WWOX: variants seen among roughly 807,000 people sequenced by gnomAD.
The protein encoded by WWOX is WW domain containing oxidoreductase.
WWOX carries 69 observed loss-of-function variants against 46.2 expected under a neutral mutation model. That is an observed-to-expected ratio of 1.49 (90% CI 1.23 to 1.82). The LOEUF (loss-of-function observed/expected upper bound fraction) is 1.82, where lower values mean the gene tolerates loss of function less well. Among genes scored for constraint, WWOX ranks in the 40% most tolerant of loss-of-function variants. The pLI is 0.00. For missense variants in WWOX, 919 were observed against 542.6 expected, an observed-to-expected ratio of 1.69 and a Z score of -6.89; for synonymous variants, 359 against 202.6, an observed-to-expected ratio of 1.77 and a Z score of -6.56.
intron 5 of WWOX, among the ~76,000 whole-genome samples, chr16:78,367,263 G>A (rs1445008968): frequency 1.3e-5 from 2 of 152,120 alleles, no homozygotes; most frequent in Admixed American, 1.3e-4. Context: ...ACAGGCGTGA[G>A]CCACCGCACC....
At chr16:78,713,042 G>C (rs531157935) in intron 8 of WWOX, among the ~76,000 whole-genome samples, 2 of 152,106 alleles carry the variant, frequency 1.3e-5, no homozygotes, top group Non-Finnish European at 2.9e-5. Context: ...GGCTGAGGGA[G>C]GAGAACTGCT....
At chr16:78,281,513 G>C (rs1433252057) in intron 5 of WWOX, among the ~76,000 whole-genome samples, 1 of 152,190 alleles carries the variant, frequency 6.6e-6, no homozygotes, top group Non-Finnish European at 1.5e-5. Flanking sequence ...TTTTGTGCAA[G>C]AGTCAGCAAA....
intron 5 of WWOX, chr16:78,166,967 A>C (rs2034995853): frequency 1.3e-5 from 2 of 152,234 alleles, no homozygotes; most frequent in Non-Finnish European, 2.9e-5. Flanking sequence ...GGGCGTGTCA[A>C]AATTGTAAAA....
At chr16:79,171,415 C>A (rs1157903206) in intron 8 of WWOX, among the ~76,000 whole-genome samples, 1 of 152,208 alleles carries the variant, frequency 6.6e-6, no homozygotes, top group African/African-American at 2.4e-5. Context: ...TTAGCTCTCT[C>A]CATTTTTAAT....
At chr16:78,404,720 A>G (rs185964904) in intron 6 of WWOX, among the ~76,000 whole-genome samples, 2 of 152,304 alleles carry the variant, frequency 1.3e-5, no homozygotes, top group East Asian at 3.9e-4. Flanking sequence ...TGAGGCTAGT[A>G]GGTCATGAGT....
rs558601527 is a variant in WWOX at position 78,349,761 on chromosome 16, A to G, written c.517-37099A>G. 2.2e-4 allele frequency among the ~76,000 whole-genome samples: 27 copies of G among 121,388 alleles called. 6 individuals are homozygous for G. The highest frequency in any genetic ancestry group is 1.4e-3 in the Admixed American group (17 of 12,486). 79.6% of individuals were successfully genotyped at this position (121,388 alleles called of 152,430 possible). ...TGCAGGTGTCACCGATGAAACAGCA[A>G]TGCCTTGCGGTGACAAATTCAGTGT... is the stretch of plus-strand genomic sequence containing the variant. On this transcript the variant is annotated intron_variant, in intron 5 of 8. Coordinates refer to ENST00000566780, the MANE Select transcript of WWOX (RefSeq NM_016373.4).
intron 4 of WWOX, among the ~76,000 whole-genome samples, chr16:78,148,393 G>T (rs140271747): frequency 6.6e-6 from 1 of 152,262 alleles, no homozygotes; most frequent in African/African-American, 2.4e-5. Context: ...CACGTGTAGG[G>T]GGTGGAATTA....
intron 8 of WWOX, among the ~76,000 whole-genome samples, chr16:78,886,007 C>G (rs537111145): frequency 6.4e-4 from 97 of 150,666 alleles, no homozygotes; most frequent in African/African-American, 2.1e-3. Context: ...TTGCTGCAAC[C>G]TCTGCCTCCC....
intron 5 of WWOX, among the ~76,000 whole-genome samples, chr16:78,273,625 A>C (rs528118998): frequency 6.6e-6 from 1 of 152,210 alleles, no homozygotes; most frequent in Non-Finnish European, 1.5e-5. Flanking sequence ...CTAGTCACCC[A>C]GGCACGAAAT....
intron 5 of WWOX, among the ~76,000 whole-genome samples, chr16:78,275,525 G>C (rs1273241814): frequency 6.6e-6 from 1 of 152,234 alleles, no homozygotes; most frequent in Non-Finnish European, 1.5e-5. Flanking sequence ...CATCTCAAAG[G>C]ATGAGTGATT....
chr16:78,802,129 C>T (rs1457077151), intron 8 of WWOX, among the ~76,000 whole-genome samples: 1 of 150,960 alleles, frequency 6.6e-6, no homozygotes, highest in African/African-American at 2.4e-5. Context: ...ACTCTTAGAT[C>T]AGACGTGCTT....
rs912894004 is a variant in WWOX at position 78,264,002 on chromosome 16, TTTTTTTTTTTTTTG to T, written c.516+99721_516+99734del. On this transcript the variant is annotated intron_variant, in intron 5 of 8. Transcript: ENST00000566780. ...ATGTGTTTGGCTGTGAAATCTTTTTTTTTTTTTTTTTTTGTTTTTTTGCTGTGGAGCGCAAAATG... is the reference window on the plus strand; with the variant it reads ...ATGTGTTTGGCTGTGAAATCTTTTTTTTTTTTTGCTGTGGAGCGCAAAATG... Among the ~76,000 whole-genome samples, 28 of 138,102 alleles carry T rather than the reference TTTTTTTTTTTTTTG, an allele frequency of 2.0e-4. No individual in the cohort carries two copies. The East Asian group carries it at 5.0e-3, about 24-fold the overall frequency. 90.6% of individuals were successfully genotyped at this position (138,102 alleles called of 152,430 possible).
At chr16:79,172,357 A>C (rs2050716057) in intron 8 of WWOX, among the ~76,000 whole-genome samples, 1 of 152,150 alleles carries the variant, frequency 6.6e-6, no homozygotes. Context: ...AAGATCCATG[A>C]TTTCAGAGCA....
intron 8 of WWOX, among the ~76,000 whole-genome samples, chr16:78,939,319 A>C (rs1250538737): frequency 1.3e-5 from 2 of 152,332 alleles, no homozygotes; most frequent in East Asian, 3.9e-4. Context: ...TGCCATCCTC[A>C]GTAATGTGTG....
intron 8 of WWOX, among the ~76,000 whole-genome samples, chr16:78,686,278 G>A (rs1445101677): frequency 1.3e-5 from 2 of 152,104 alleles, no homozygotes; most frequent in South Asian, 2.1e-4. Context: ...TTGGGAGGCC[G>A]AGGCGGGCGG....
At chr16:79,171,978 G>T (rs114674926) in intron 8 of WWOX, among the ~76,000 whole-genome samples, 4,216 of 152,276 alleles carry the variant, frequency 0.028, 197 homozygotes, top group African/African-American at 0.097. Context: ...GCAGTTGGCA[G>T]TTTGCCATGA....
intron 8 of WWOX, among the ~76,000 whole-genome samples, chr16:79,060,138 C>G (rs1458939473): frequency 6.6e-6 from 1 of 152,184 alleles, no homozygotes; most frequent in African/African-American, 2.4e-5. Flanking sequence ...TTGTCCTCAC[C>G]TATACTTGGG....
chr16:79,073,150 GTTATTATTATTATTATTATTATTA>G (rs58438039), intron 8 of WWOX, among the ~76,000 whole-genome samples: 1 of 143,116 alleles, frequency 7.0e-6, no homozygotes, highest in African/African-American at 2.6e-5. Context: ...GTAGTTATTC[GTTATTATTATTATTATTATTATTA>G]TTATTATTAT....
intron 8 of WWOX, among the ~76,000 whole-genome samples, chr16:79,191,382 G>A (rs1013854296): frequency 6.6e-6 from 1 of 151,744 alleles, no homozygotes; most frequent in East Asian, 1.9e-4. Context: ...GGGAGAGAAA[G>A]GCCACCGAGA....
Sources: allele counts gnomAD v4.1 joint callset (sites outside exome capture counted in the v4.1 genomes callset), GRCh38; gene constraint gnomAD v4.1.1; transcripts MANE v1.5; gene names NCBI Gene and HGNC (gene_info 2026-07-23, HGNC 2026-07-21).